Variants in MYO10 observed in about 807,000 individuals in gnomAD.
The protein encoded by MYO10 is unconventional myosin-X.
MYO10 carries 133 observed loss-of-function variants against 257.3 expected under a neutral mutation model. The ratio of observed to expected loss-of-function variants is 0.52; its 90% CI spans 0.45 to 0.60. The LOEUF is 0.60. MYO10 is among the 20% of genes least tolerant of loss of function. The pLI, the probability that MYO10 is intolerant of heterozygous loss-of-function variation, is 0.00. For synonymous variants in MYO10, 1,104 were observed against 1,028.6 expected (o/e 1.07, Z -1.40); for missense variants, 2,399 against 2,635.7 (o/e 0.91, Z 1.97).
chr5:16,794,586 G>A (rs758598853), intron 4 of MYO10, 60 bp downstream of exon 4: 1 of 1,476,756 alleles, frequency 6.8e-7, no homozygotes, highest in East Asian at 2.5e-5. Context: ...GCTGGGGTTG[G>A]GGGTGCGCGG....
chr5:16,919,259 T>C (rs1028103580), intron 1 of MYO10, among the ~76,000 whole-genome samples: 6 of 152,058 alleles, frequency 3.9e-5, no homozygotes, highest in African/African-American at 1.4e-4. Flanking sequence ...GCGCCTGTAA[T>C]TCGAGCTATT....
At chr5:16,773,062 G>A (rs1289282521) in intron 9 of MYO10, among the ~76,000 whole-genome samples, 1 of 152,178 alleles carries the variant, frequency 6.6e-6, no homozygotes, top group African/African-American at 2.4e-5. Context: ...ATTTAATTAT[G>A]TGTTCATTAT....
chr5:16,902,288 A>C, intron 1 of MYO10: 1 of 793,162 alleles, frequency 1.3e-6, no homozygotes, highest in Non-Finnish European at 2.2e-6. Context: ...TTAAGAACTC[A>C]GCTCCTTACA....
At chr5:16,859,507 A>G (rs1474597680) in intron 2 of MYO10, among the ~76,000 whole-genome samples, 2 of 152,136 alleles carry the variant, frequency 1.3e-5, no homozygotes, top group African/African-American at 4.8e-5. Flanking sequence ...GTGCTTTGGG[A>G]GGCTGAGGCA....
Position 16,670,852 on chromosome 5 carries a change from C to T in MYO10, c.5557G>A (p.Glu1853Lys), listed in dbSNP as rs769669882. The T allele has an allele frequency of 3.1e-6, 5 of 1,613,824 alleles. No individual in the cohort carries two copies. In the Admixed American group the frequency reaches 5.0e-5, roughly 16 times the overall value. ...TTGAGTCTCTGCAGGGAATAAACCT[C>T]TTCGAGAGGTGGGATGGCAGCGTGC... ...TLHAAIPPLE[E>K]VYSLQRLKAR... The change falls in exon 39 of 41, where the codon GAG becomes AAG. Residue 1853 changes from glutamate (E) to lysine (K), a missense_variant. Around this residue, in one of 3 missense-constraint regions of MYO10, gnomAD observed 1,820 missense variants for 1,939.4 expected, o/e 0.94. Coordinates refer to ENST00000513610, the MANE Select transcript of MYO10 (RefSeq NM_012334.3).
At chr5:16,899,159 A>G (rs2126782402) in intron 1 of MYO10, among the ~76,000 whole-genome samples, 1 of 148,620 alleles carries the variant, frequency 6.7e-6, no homozygotes, top group Non-Finnish European at 1.5e-5. Flanking sequence ...AAAAAGTGCT[A>G]GCGTGTGAGC....
At chr5:16,766,670 T>A (rs181689909) in intron 10 of MYO10, among the ~76,000 whole-genome samples, 43 of 152,250 alleles carry the variant, frequency 2.8e-4, no homozygotes, top group Admixed American at 2.6e-3. Flanking sequence ...GACCTCCACG[T>A]TGGCCAGGAC....
intron 30 of MYO10, among the ~76,000 whole-genome samples, chr5:16,682,993 C>T (rs1215438324): frequency 2.6e-5 from 4 of 151,938 alleles, no homozygotes; most frequent in Non-Finnish European, 5.9e-5. Context: ...TAAGAAGCAC[C>T]AGGGCTTTGA....
At chr5:16,687,486 CCTT>C (rs1737303615) in intron 28 of MYO10, among the ~76,000 whole-genome samples, 1 of 150,988 alleles carries the variant, frequency 6.6e-6, no homozygotes, top group Non-Finnish European at 1.5e-5. Flanking sequence ...GCTAGGGTAT[CCTT>C]CTCCTGCTGG....
intron 26 of MYO10, among the ~76,000 whole-genome samples, chr5:16,696,438 T>C (rs1737748035): frequency 6.6e-6 from 1 of 152,244 alleles, no homozygotes; most frequent in South Asian, 2.1e-4. Context: ...TGAGGCTGCA[T>C]TTACACAATA....
At chr5:16,863,613 G>T (rs1744165103) in intron 2 of MYO10, among the ~76,000 whole-genome samples, 1 of 151,970 alleles carries the variant, frequency 6.6e-6, no homozygotes, top group Admixed American at 6.6e-5. Context: ...ACAATCTCAG[G>T]GTTTACAATG....
At chr5:16,694,281 C>T (rs559059254) in intron 27 of MYO10, 90 bp downstream of exon 27, 15 of 1,569,654 alleles carry the variant, frequency 9.6e-6, no homozygotes, top group African/African-American at 2.7e-5. Context: ...AGGCTACTGC[C>T]GCTGCAAGGA....
chr5:16,931,665 T>C (rs996478358), intron 1 of MYO10, among the ~76,000 whole-genome samples: 1 of 152,006 alleles, frequency 6.6e-6, no homozygotes, highest in Admixed American at 6.6e-5. Flanking sequence ...ACAATAGAAA[T>C]GTTTTCAAAC....
intron 2 of MYO10, among the ~76,000 whole-genome samples, chr5:16,866,691 A>T (rs1253684297): frequency 8.7e-5 from 13 of 149,658 alleles, no homozygotes; most frequent in Non-Finnish European, 1.6e-4. Flanking sequence ...ATATACATTT[A>T]AAAAAAAAAG....
In MYO10 at chr5:16,701,541, C is replaced by G. The variant is rs1561193741; in HGVS notation, c.2854G>C (p.Glu952Gln). Reference sequence around the variant, plus strand: ...GACCGCTCGATATTCCGGACACACTCGTCGATCTCGTCGAAATTGAGGGAC... The same window carrying G: ...GACCGCTCGATATTCCGGACACACTGGTCGATCTCGTCGAAATTGAGGGAC... Reference protein sequence around the residue: ...LESLNFDEIDECVRNIERSLS... With the variant: ...LESLNFDEIDQCVRNIERSLS... The change falls in exon 25 of 41, where the codon GAG becomes CAG. Residue 952 changes from glutamate (E) to glutamine (Q), a missense_variant. Physicochemically the swap from Glu to Gln is conservative, Grantham distance 29. This residue lies in a region of MYO10 where 1,820 missense variants were observed against 1,939.4 expected (regional missense o/e 0.94). Transcript: ENST00000513610. The surrounding 1 kb of genome is among the most constrained non-coding windows in gnomAD (Gnocchi z 8.1). 5.6e-6 allele frequency: 9 copies of G among 1,613,952 alleles called. No homozygotes were observed.
At chr5:16,808,215 C>T (rs956445799) in intron 3 of MYO10, among the ~76,000 whole-genome samples, 1 of 152,188 alleles carries the variant, frequency 6.6e-6, no homozygotes, top group Admixed American at 6.5e-5. Context: ...GTAATCCCAG[C>T]ACTTTAGGAA....
chr5:16,774,475 G>A (rs1183108848), intron 9 of MYO10, among the ~76,000 whole-genome samples: 1 of 152,032 alleles, frequency 6.6e-6, no homozygotes, highest in Admixed American at 6.6e-5. Context: ...AGGCTGGAGT[G>A]CAACGGTGCA....
chr5:16,761,405 G>T, intron 17 of MYO10, 59 bp downstream of exon 17: 1 of 1,317,234 alleles, frequency 7.6e-7, no homozygotes, highest in Non-Finnish European at 1.1e-6. Flanking sequence ...TGAATTAAAA[G>T]CATTTGCACA....
At chr5:16,805,959 C>CA (rs1742263843) in intron 3 of MYO10, among the ~76,000 whole-genome samples, 4 of 152,042 alleles carry the variant, frequency 2.6e-5, no homozygotes, top group Admixed American at 2.0e-4. Flanking sequence ...TTCACACCCC[C>CA]AAAAAATCAA....
Sources: allele counts gnomAD v4.1 joint callset (sites outside exome capture counted in the v4.1 genomes callset), GRCh38; gene constraint gnomAD v4.1.1; regional missense constraint gnomAD v4.1.1; non-coding constraint Gnocchi (gnomAD v3.1); transcripts MANE v1.5; gene names NCBI Gene and HGNC (gene_info 2026-07-23, HGNC 2026-07-21).